C10orf90: variants seen among roughly 807,000 people sequenced by gnomAD.
C10orf90 encodes (E2-independent) E3 ubiquitin-conjugating enzyme FATS.
C10orf90 carries 56 observed loss-of-function variants against 62.5 expected under a neutral mutation model. The ratio of observed to expected loss-of-function variants is 0.90; its 90% confidence interval spans 0.72 to 1.12. The LOEUF (loss-of-function observed/expected upper bound fraction) is 1.12. C10orf90 is among the 50% of genes most tolerant of loss of function. C10orf90 has a pLI of 0.00. For synonymous variants in C10orf90, 386 were observed against 340.4 expected (o/e 1.13, Z -1.47); for missense variants, 970 against 880.4 (o/e 1.10, Z -1.29).
chr10:126,482,049 CT>C (rs60271974), intron 4 of C10orf90, among the ~76,000 whole-genome samples: 3,177 of 152,262 alleles, frequency 0.021, 125 homozygotes, highest in African/African-American at 0.073. Context: ...TTGGCTCATA[CT>C]TTTTTTGTCC....
intron 2 of C10orf90, among the ~76,000 whole-genome samples, chr10:126,553,740 A>G (rs377699927): frequency 6.6e-6 from 1 of 152,202 alleles, no homozygotes; most frequent in Non-Finnish European, 1.5e-5. Flanking sequence ...CATATACTCT[A>G]TGATAGTTCC....
chr10:126,457,451 AGAG>A (rs1465550267), intron 7 of C10orf90, among the ~76,000 whole-genome samples: 1 of 152,170 alleles, frequency 6.6e-6, no homozygotes, highest in African/African-American at 2.4e-5. Flanking sequence ...CTGGCCCAGA[AGAG>A]GAGAAGCTCA....
At chr10:126,492,447 G>A (rs1442552965) in intron 4 of C10orf90, among the ~76,000 whole-genome samples, 1 of 152,204 alleles carries the variant, frequency 6.6e-6, no homozygotes, top group Non-Finnish European at 1.5e-5. Context: ...GCTCAGTGAA[G>A]GATGTATGCA....
Position 126,459,034 on chromosome 10 carries a change from G to T in C10orf90, c.2188+6C>A. On this transcript the variant is annotated splice_donor_region_variant and intron_variant, in intron 7 of 9. Coordinates refer to ENST00000488181, the MANE Select transcript of C10orf90 (RefSeq NM_001350921.2). ...TTCCAGTCTCCACAAGCCACCTGCA[G>T]CTTACCACTCAGAGGATGGGGAATC... 6.2e-7 allele frequency: 1 copy of T among 1,609,580 alleles called. No homozygotes were observed. Among genetic ancestry groups the T allele is most frequent in the Non-Finnish European group, 8.5e-7 (1 of 1,178,052 alleles).
chr10:126,469,225 G>A (rs1860442137), intron 4 of C10orf90, among the ~76,000 whole-genome samples: 1 of 152,192 alleles, frequency 6.6e-6, no homozygotes, highest in Non-Finnish European at 1.5e-5. Flanking sequence ...ACTCACATTA[G>A]AATCATTTAT....
intron 4 of C10orf90, among the ~76,000 whole-genome samples, chr10:126,495,739 A>C (rs1455911567): frequency 6.6e-6 from 1 of 152,162 alleles, no homozygotes; most frequent in African/African-American, 2.4e-5. Flanking sequence ...CACATCATCT[A>C]TTTCTCACAT....
rs1433146408 is a variant in C10orf90 at position 126,563,772 on chromosome 10, TGGC to T, written c.314-49836_314-49834del. Among the ~76,000 whole-genome samples the T allele has an allele frequency of 4.6e-5, 7 of 152,132 alleles. No homozygotes were observed. In the South Asian group the frequency reaches 8.3e-4, roughly 18 times the overall value. On this transcript the variant is annotated intron_variant, in intron 2 of 9. Transcript: ENST00000488181. ...TATTTGGTCCTGAGGCCAGAGGAATTGGCGGCGGCAGCTGATGGACATCCTGCA... is the reference window on the plus strand; with the variant it reads ...TATTTGGTCCTGAGGCCAGAGGAATTGGCGGCAGCTGATGGACATCCTGCA...
chr10:126,460,905 T>C (rs1040640600), intron 6 of C10orf90, among the ~76,000 whole-genome samples: 2 of 152,232 alleles, frequency 1.3e-5, no homozygotes, highest in Non-Finnish European at 2.9e-5. Flanking sequence ...TTAAACTTTA[T>C]AAAATGTGTG....
chr10:126,656,654 T>G (rs1285697251), intron 1 of C10orf90, among the ~76,000 whole-genome samples: 1 of 152,194 alleles, frequency 6.6e-6, no homozygotes. Flanking sequence ...CGCTATAGCT[T>G]TAGAGAGCAG....
intron 2 of C10orf90, among the ~76,000 whole-genome samples, chr10:126,602,854 T>C (rs778105119): frequency 3.9e-5 from 6 of 151,900 alleles, no homozygotes; most frequent in Admixed American, 3.3e-4. Flanking sequence ...TGGTCATGTC[T>C]ATTCATCCTC....
Position 126,665,577 on chromosome 10 carries a change from G to A in C10orf90, c.240+4664C>T, listed in dbSNP as rs548115202. On this transcript the variant is annotated intron_variant, in intron 1 of 9. Transcript: ENST00000488181. ...CTGGGAGACTTCTTCTTCCAGCCAT[G>A]ATAGAGTAACCAGACAACCGCTAGG... Among the ~76,000 whole-genome samples, 5 of 152,302 alleles carry A rather than the reference G, an allele frequency of 3.3e-5. No homozygotes were observed. The South Asian group carries it at 1.0e-3, about 32-fold the overall frequency.
chr10:126,648,581 T>C (rs1846217670), intron 1 of C10orf90, among the ~76,000 whole-genome samples: 1 of 152,226 alleles, frequency 6.6e-6, no homozygotes, highest in Non-Finnish European at 1.5e-5. Context: ...ATGGGAAATA[T>C]TGGATAATGC....
intron 7 of C10orf90, among the ~76,000 whole-genome samples, chr10:126,451,472 TATGTGTGTGTGTGC>T (rs1859184981): frequency 6.6e-6 from 1 of 152,076 alleles, no homozygotes; most frequent in South Asian, 2.1e-4. Flanking sequence ...AGTGTGTGTA[TATGTGTGTGTGTGC>T]ATGTGTGTGT....
intron 2 of C10orf90, among the ~76,000 whole-genome samples, chr10:126,595,027 A>G (rs1040413451): frequency 6.6e-6 from 1 of 152,166 alleles, no homozygotes; most frequent in Non-Finnish European, 1.5e-5. Context: ...AATAGAATTT[A>G]AGTTTTTCAA....
At chr10:126,620,606 G>T (rs540548405) in intron 2 of C10orf90, among the ~76,000 whole-genome samples, 3 of 151,878 alleles carry the variant, frequency 2.0e-5, no homozygotes, top group Non-Finnish European at 4.4e-5. Flanking sequence ...TTATTTCTTG[G>T]CACCTTCTCC....
At chr10:126,668,766 T>C (rs955336885) in intron 1 of C10orf90, among the ~76,000 whole-genome samples, 3 of 152,154 alleles carry the variant, frequency 2.0e-5, no homozygotes, top group Non-Finnish European at 4.4e-5. Context: ...GATCTGGCAT[T>C]CATTTTAACA....
intron 2 of C10orf90, among the ~76,000 whole-genome samples, chr10:126,607,567 C>T (rs1845340159): frequency 6.6e-6 from 1 of 152,190 alleles, no homozygotes; most frequent in African/African-American, 2.4e-5. Context: ...TGCGTGCCTC[C>T]TTTATCCTGA....
At chr10:126,557,511 C>G (rs1182436223) in intron 2 of C10orf90, among the ~76,000 whole-genome samples, 1 of 151,644 alleles carries the variant, frequency 6.6e-6, no homozygotes, top group Non-Finnish European at 1.5e-5. Flanking sequence ...CAAAAGTCCT[C>G]TATACCTTTC....
chr10:126,568,635 C>A (rs767952312), intron 2 of C10orf90, among the ~76,000 whole-genome samples: 4 of 152,186 alleles, frequency 2.6e-5, no homozygotes, highest in Admixed American at 1.3e-4. Flanking sequence ...GTTCTACCCA[C>A]ACATAAGGCA....
Sources: allele counts gnomAD v4.1 joint callset (sites outside exome capture counted in the v4.1 genomes callset), GRCh38; gene constraint gnomAD v4.1.1; transcripts MANE v1.5; gene names NCBI Gene and HGNC (gene_info 2026-07-23, HGNC 2026-07-21).